LAMA2: variants seen among roughly 807,000 people sequenced by gnomAD.
LAMA2 encodes laminin subunit alpha-2.
In LAMA2, 269 loss-of-function variants were observed where a neutral mutation model predicts 364.8. The ratio of observed to expected loss-of-function variants is 0.74; its 90% CI spans 0.67 to 0.82. The LOEUF (loss-of-function observed/expected upper bound fraction) is 0.82, where lower values mean the gene tolerates loss of function less well. LAMA2 is among the 40% of genes least tolerant of loss of function. The pLI, the probability that LAMA2 is intolerant of heterozygous loss-of-function variation, is 0.00. For synonymous variants in LAMA2, 1,379 were observed against 1,370.6 expected (o/e 1.01, Z -0.14); for missense variants, 3,807 against 3,873.2 (o/e 0.98, Z 0.45).
chr6:129,044,364 A>G (rs1018358225), intron 1 of LAMA2, among the ~76,000 whole-genome samples: 1 of 152,134 alleles, frequency 6.6e-6, no homozygotes, highest in Non-Finnish European at 1.5e-5. Context: ...GAGAATGTAG[A>G]TCATCAAAAT....
At chr6:128,969,917 G>A (rs1782085714) in intron 1 of LAMA2, among the ~76,000 whole-genome samples, 2 of 152,124 alleles carry the variant, frequency 1.3e-5, no homozygotes, top group Admixed American at 1.3e-4. Flanking sequence ...TGTAGCTCAT[G>A]TTGCAGTTAT....
chr6:129,371,002 A>G (rs1369317468), intron 34 of LAMA2, among the ~76,000 whole-genome samples: 2 of 152,228 alleles, frequency 1.3e-5, no homozygotes, highest in African/African-American at 4.8e-5. Context: ...TAGAATGTAC[A>G]GATACAACAC....
chr6:129,397,937 A>AG (rs1491297552), intron 37 of LAMA2, among the ~76,000 whole-genome samples: 4 of 62,388 alleles, frequency 6.4e-5, no homozygotes, highest in Non-Finnish European at 1.4e-4. Context: ...ACTCCGTCTC[A>AG]GAAAAAAAAA....
chr6:128,891,894 G>A (rs1294683419), intron 1 of LAMA2, among the ~76,000 whole-genome samples: 1 of 151,926 alleles, frequency 6.6e-6, no homozygotes, highest in African/African-American at 2.4e-5. Flanking sequence ...GGAGGTAACT[G>A]AATCGTAGAA....
chr6:129,137,694 T>C (rs1255241253), intron 4 of LAMA2, among the ~76,000 whole-genome samples: 6 of 152,120 alleles, frequency 3.9e-5, no homozygotes, highest in African/African-American at 1.2e-4. Flanking sequence ...AAATGTTTGA[T>C]TGAGGAAAGA....
chr6:129,157,695 A>T (rs148917441), intron 8 of LAMA2: 1 of 1,612,252 alleles, frequency 6.2e-7, no homozygotes, highest in Non-Finnish European at 8.5e-7. Flanking sequence ...CAAACGTTTG[A>T]CACACACAAC....
intron 40 of LAMA2, among the ~76,000 whole-genome samples, chr6:129,406,677 A>G (rs908926496): frequency 7.9e-5 from 12 of 152,318 alleles, no homozygotes; most frequent in African/African-American, 2.2e-4. Context: ...GGTCATAGTA[A>G]ACTCAAAGCC....
At chr6:129,347,088 T>A (rs1776597327) in intron 30 of LAMA2, among the ~76,000 whole-genome samples, 1 of 152,110 alleles carries the variant, frequency 6.6e-6, no homozygotes, top group South Asian at 2.1e-4. Flanking sequence ...CTAATGAATA[T>A]CTAACTCTCC....
Position 129,478,688 on chromosome 6 carries a change from A to G in LAMA2, c.7452-5A>G. On this transcript the variant is annotated splice_polypyrimidine_tract_variant and splice_region_variant and intron_variant, in intron 53 of 64. Transcript: ENST00000421865. ...GCTTTTGCTTTTCATTTGACTATTC[A>G]ATAGGCCAGAAGTAAATCTGAAGAA... is the stretch of plus-strand genomic sequence containing the variant. 4 of 1,613,474 alleles carry G rather than the reference A, an allele frequency of 2.5e-6. No individual in the cohort carries two copies. The highest frequency in any genetic ancestry group is 3.4e-6 in the Non-Finnish European group (4 of 1,179,566).
chr6:128,956,572 T>A (rs545745834), intron 1 of LAMA2, among the ~76,000 whole-genome samples: 1 of 152,166 alleles, frequency 6.6e-6, no homozygotes, highest in Non-Finnish European at 1.5e-5. Context: ...GGACAATTAA[T>A]GTATAATAAA....
At chr6:129,157,893 G>A in intron 8 of LAMA2, 1 of 1,614,216 alleles carries the variant, frequency 6.2e-7, no homozygotes. Context: ...CAGCACTTCT[G>A]GAGCCAGGTA....
At chr6:128,922,283 A>G (rs1446411477) in intron 1 of LAMA2, among the ~76,000 whole-genome samples, 22 of 151,050 alleles carry the variant, frequency 1.5e-4, no homozygotes, top group African/African-American at 5.4e-4. Context: ...GAATCGCCAC[A>G]CTGACTTCCA....
intron 34 of LAMA2, among the ~76,000 whole-genome samples, chr6:129,373,228 T>A (rs1217527808): frequency 1.3e-5 from 2 of 152,182 alleles, no homozygotes; most frequent in African/African-American, 4.8e-5. Flanking sequence ...TCATCTAGAT[T>A]TTCTCCTATG....
At chr6:129,258,876 A>G (rs3778121) in intron 14 of LAMA2, among the ~76,000 whole-genome samples, 26,142 of 152,034 alleles carry the variant, frequency 0.17, 2,464 homozygotes, top group African/African-American at 0.24. Flanking sequence ...ACACTATAGG[A>G]CAGTGATATT....
intron 18 of LAMA2, among the ~76,000 whole-genome samples, chr6:129,283,758 C>T (rs961174844): frequency 6.6e-5 from 10 of 151,698 alleles, no homozygotes; most frequent in South Asian, 2.1e-4. Context: ...TGTCTGAATT[C>T]GAATCAAGTC....
chr6:129,427,738 T>C lies in LAMA2; in HGVS notation c.5866-14T>C. 2 of 1,589,662 alleles carry C rather than the reference T, an allele frequency of 1.3e-6. No homozygotes were observed. Among genetic ancestry groups the C allele is most frequent in the South Asian group, 2.2e-5 (2 of 90,588 alleles). On this transcript the variant is annotated splice_polypyrimidine_tract_variant and intron_variant, in intron 40 of 64. Transcript: ENST00000421865. ...ATGGTTTTAGATGTATGACATTTGT[T>C]TTTCTGTCCACAGGCAACAGGTCCT...
At chr6:129,061,454 T>A (rs9375612) in intron 3 of LAMA2, among the ~76,000 whole-genome samples, 71,688 of 152,004 alleles carry the variant, frequency 0.47, 20,206 homozygotes, top group East Asian at 0.8. Context: ...CATGGCAGCA[T>A]TTTTCCCCTC....
rs530911936 is a variant in LAMA2 at position 129,386,590 on chromosome 6, T to C, written c.5071+3357T>C. On this transcript the variant is annotated intron_variant, in intron 35 of 64. Transcript: ENST00000421865. The stretch of plus-strand genomic sequence containing the variant: ...TAGACAGTTCACCATACAAAAATAA[T>C]GTTAAATGAGGGTAAGTAAAGCGCA... Among the ~76,000 whole-genome samples the C allele has an allele frequency of 2.6e-4, 39 of 152,164 alleles. No individual in the cohort carries two copies. The South Asian group carries it at 5.8e-3, about 23-fold the overall frequency.
intron 17 of LAMA2, among the ~76,000 whole-genome samples, chr6:129,278,531 G>T (rs1288866752): frequency 6.6e-6 from 1 of 152,062 alleles, no homozygotes; most frequent in Non-Finnish European, 1.5e-5. Context: ...ATTTTAACCT[G>T]TGCATCTTCA....
Sources: allele counts gnomAD v4.1 joint callset (sites outside exome capture counted in the v4.1 genomes callset), GRCh38; gene constraint gnomAD v4.1.1; transcripts MANE v1.5; gene names NCBI Gene and HGNC (gene_info 2026-07-23, HGNC 2026-07-21).